The following GALNT14 variants were observed in gnomAD, a reference collection of about 807,000 sequenced individuals.
The protein encoded by GALNT14 is polypeptide N-acetylgalactosaminyltransferase 14.
Under a neutral mutation model 77.5 loss-of-function variants are expected in GALNT14, and 60 were observed. The ratio of observed to expected loss-of-function variants is 0.77; its 90% CI spans 0.63 to 0.96. GALNT14 has a LOEUF of 0.96. Ranked by LOEUF, GALNT14 falls within the 40% of genes least tolerant of loss-of-function variation. The pLI, the probability that GALNT14 is intolerant of heterozygous loss-of-function variation, is 0.00. For synonymous variants in GALNT14, 280 were observed against 281.7 expected, an observed-to-expected ratio of 0.99 and a Z score of 0.06; for missense variants, 710 against 731.0, an observed-to-expected ratio of 0.97 and a Z score of 0.33.
chr2:30,999,450 C>T (rs1325194975), intron 1 of GALNT14, among the ~76,000 whole-genome samples: 1 of 152,152 alleles, frequency 6.6e-6, no homozygotes, highest in Non-Finnish European at 1.5e-5. Context: ...TCTTCCAACC[C>T]CTGGTACCAT....
At chr2:31,127,207 A>G (rs1558586481) in intron 1 of GALNT14, among the ~76,000 whole-genome samples, 1 of 152,184 alleles carries the variant, frequency 6.6e-6, no homozygotes. Flanking sequence ...ACCCCAACCC[A>G]GGTAACCATG....
chr2:31,114,685 GA>G, intron 1 of GALNT14: 6 of 699,744 alleles, frequency 8.6e-6, no homozygotes, highest in South Asian at 3.2e-5. Flanking sequence ...CCCAGAAGGG[GA>G]AAAAGGAACA....
At chr2:31,087,504 G>C (rs1275156289) in intron 1 of GALNT14, among the ~76,000 whole-genome samples, 1 of 151,890 alleles carries the variant, frequency 6.6e-6, no homozygotes, top group Non-Finnish European at 1.5e-5. Flanking sequence ...GGAGAGGAGA[G>C]GAGAAGAGAG....
chr2:31,086,277 C>T (rs958836885), intron 1 of GALNT14, among the ~76,000 whole-genome samples: 2 of 152,218 alleles, frequency 1.3e-5, no homozygotes, highest in African/African-American at 4.8e-5. Context: ...TAAGAAGTCA[C>T]TGCCTTTAAT....
At chr2:30,940,689 T>A (rs562950099) in intron 9 of GALNT14, among the ~76,000 whole-genome samples, 2 of 152,240 alleles carry the variant, frequency 1.3e-5, no homozygotes, top group East Asian at 3.9e-4. Flanking sequence ...CTCCACCCCA[T>A]AAGAGAGAAG....
intron 2 of GALNT14, among the ~76,000 whole-genome samples, chr2:30,972,287 C>G (rs1367489376): frequency 6.6e-6 from 1 of 152,114 alleles, no homozygotes; most frequent in Non-Finnish European, 1.5e-5. Flanking sequence ...AGTCTGAAGA[C>G]AGTTAGAGAA....
rs368171181 is a variant in GALNT14, at chr2:30,910,860, A to T, written c.*41T>A. The T allele has an allele frequency of 1.2e-6, 2 of 1,603,498 alleles. No individual in the cohort carries two copies. Among genetic ancestry groups the T allele is most frequent in the Non-Finnish European group, 1.7e-6 (2 of 1,174,906 alleles). ...GTTTCCAGTCTGTTCTGGTCCAGGGAAGCACCACCCCATGGCCCTTGCTGC... is the reference window on the plus strand; with the variant it reads ...GTTTCCAGTCTGTTCTGGTCCAGGGTAGCACCACCCCATGGCCCTTGCTGC... On this transcript the variant is annotated 3_prime_UTR_variant, in exon 15 of 15. Transcript: ENST00000349752.
At chr2:31,131,851 G>A (rs1049144163) in intron 1 of GALNT14, among the ~76,000 whole-genome samples, 1 of 152,142 alleles carries the variant, frequency 6.6e-6, no homozygotes, top group Admixed American at 6.5e-5. Context: ...CCTGAAAAAG[G>A]TTAGTCTCTG....
chr2:30,989,255 A>G (rs1234719054), intron 2 of GALNT14, among the ~76,000 whole-genome samples: 1 of 152,000 alleles, frequency 6.6e-6, no homozygotes, highest in East Asian at 1.9e-4. Context: ...ACTCATGGGG[A>G]TTTGACACCA....
chr2:30,969,859 G>A (rs933256896), intron 2 of GALNT14, among the ~76,000 whole-genome samples: 3 of 152,184 alleles, frequency 2.0e-5, no homozygotes, highest in Non-Finnish European at 4.4e-5. Flanking sequence ...CACAGCATCA[G>A]CTTTCAGAAG....
intron 3 of GALNT14, among the ~76,000 whole-genome samples, chr2:30,959,509 T>A (rs1667561288): frequency 6.6e-6 from 1 of 152,216 alleles, no homozygotes; most frequent in Non-Finnish European, 1.5e-5. Flanking sequence ...ACAAGCTGTG[T>A]AATCTCGGGC....
intron 1 of GALNT14, among the ~76,000 whole-genome samples, chr2:31,094,708 A>T (rs1676917556): frequency 6.6e-6 from 1 of 152,228 alleles, no homozygotes; most frequent in South Asian, 2.1e-4. Context: ...TTTCCCAAAG[A>T]ACATGAGGCT....
chr2:31,127,899 T>A (rs1678775362), intron 1 of GALNT14, among the ~76,000 whole-genome samples: 1 of 152,204 alleles, frequency 6.6e-6, no homozygotes, highest in South Asian at 2.1e-4. Context: ...ACATTTCTTT[T>A]CATTCTTATT....
chr2:30,944,423 T>C (rs1257095537), intron 8 of GALNT14, among the ~76,000 whole-genome samples: 1 of 152,228 alleles, frequency 6.6e-6, no homozygotes, highest in East Asian at 1.9e-4. Context: ...CTTATGAATA[T>C]GTCACAGTGA....
chr2:30,934,199 C>T (rs1297886684), intron 9 of GALNT14, among the ~76,000 whole-genome samples: 9 of 152,192 alleles, frequency 5.9e-5, no homozygotes, highest in Admixed American at 5.9e-4. Flanking sequence ...TGAGCTCAGC[C>T]AACTGCCTGG....
intron 13 of GALNT14, among the ~76,000 whole-genome samples, chr2:30,916,528 G>T (rs2148208815): frequency 6.6e-6 from 1 of 152,318 alleles, no homozygotes; most frequent in South Asian, 2.1e-4. Flanking sequence ...GAGGAGGAGG[G>T]GAGTCACCAA....
intron 6 of GALNT14, among the ~76,000 whole-genome samples, chr2:30,950,898 C>G (rs992383852): frequency 6.6e-6 from 1 of 152,308 alleles, no homozygotes; most frequent in East Asian, 1.9e-4. Context: ...GAGAGGGTTT[C>G]TGAGATGAAC....
At chr2:31,051,459 G>A (rs1471235372) in intron 1 of GALNT14, among the ~76,000 whole-genome samples, 1 of 152,186 alleles carries the variant, frequency 6.6e-6, no homozygotes, top group East Asian at 1.9e-4. Context: ...CTGCAACACA[G>A]AACCCCTGTC....
At chr2:31,024,676 T>C (rs1336983150) in intron 1 of GALNT14, among the ~76,000 whole-genome samples, 3 of 152,250 alleles carry the variant, frequency 2.0e-5, no homozygotes, top group Non-Finnish European at 4.4e-5. Context: ...CTTTGCTTTC[T>C]GTCTCCTCTT....
Sources: allele counts gnomAD v4.1 joint callset (sites outside exome capture counted in the v4.1 genomes callset), GRCh38; gene constraint gnomAD v4.1.1; transcripts MANE v1.5; gene names NCBI Gene and HGNC (gene_info 2026-07-23, HGNC 2026-07-21).